Variants in C10orf143 observed in about 807,000 individuals in gnomAD.
The protein encoded by C10orf143 is uncharacterized protein C10orf143.
intron 1 of C10orf143, among the ~76,000 whole-genome samples, chr10:130,082,812 G>T (rs1861230697): frequency 6.6e-6 from 1 of 152,128 alleles, no homozygotes; most frequent in Admixed American, 6.5e-5. Context: ...TAATTATAAA[G>T]AACTATGCAA....
chr10:130,108,121 A>G lies in C10orf143; in HGVS notation c.69+2583T>C, dbSNP rs1403731570. 3 of 1,553,956 alleles carry G rather than the reference A, an allele frequency of 1.9e-6. No homozygotes were observed. In the Admixed American group the frequency reaches 5.0e-5, roughly 26 times the overall value. On this transcript the variant is annotated intron_variant, in intron 1 of 3. Coordinates refer to ENST00000637128, the MANE Select transcript of C10orf143 (RefSeq NM_001355042.2). Reference sequence around the variant, plus strand: ...CAACTGGCCCTCGCTTTGTTCCTCCACCTCTTGCCCTAATCAGAGGTCCAC... The same window carrying G: ...CAACTGGCCCTCGCTTTGTTCCTCCGCCTCTTGCCCTAATCAGAGGTCCAC...
intron 1 of C10orf143, among the ~76,000 whole-genome samples, chr10:130,088,597 A>G (rs1861330779): frequency 6.6e-6 from 1 of 152,192 alleles, no homozygotes; most frequent in African/African-American, 2.4e-5. Context: ...CTTAGGTACC[A>G]GGAACAGTCA....
chr10:130,090,933 TA>T (rs931413467), intron 1 of C10orf143, among the ~76,000 whole-genome samples: 9 of 152,088 alleles, frequency 5.9e-5, no homozygotes, highest in Non-Finnish European at 1.2e-4. Flanking sequence ...GGCTTATAGA[TA>T]AAATTCCCAT....
intron 3 of C10orf143, among the ~76,000 whole-genome samples, chr10:130,079,137 G>C (rs187727701): frequency 6.6e-6 from 1 of 152,254 alleles, no homozygotes; most frequent in East Asian, 1.9e-4. Context: ...CACTGTGTTT[G>C]CTTCTGAAAT....
rs374901225 is a variant in C10orf143, at chr10:130,110,781, A to C, written c.-9T>G. On this transcript the variant is annotated 5_prime_UTR_variant, in exon 1 of 4. Coordinates refer to ENST00000637128, the MANE Select transcript of C10orf143 (RefSeq NM_001355042.2). ...AGCGCTAAGCTGTCCATGCAGCCCCAGGGTCAAACCCTCCCGGCATCTCAG... is the reference window on the plus strand; with the variant it reads ...AGCGCTAAGCTGTCCATGCAGCCCCCGGGTCAAACCCTCCCGGCATCTCAG... 47 of 398,804 alleles carry C rather than the reference A, an allele frequency of 1.2e-4. No homozygotes were observed. Among genetic ancestry groups the C allele is most frequent in the Middle Eastern group, 6.2e-4 (1 of 1,612 alleles). The allele number at this position is 398,804 out of a possible 1,614,324, so 24.7% of individuals were successfully genotyped here.
chr10:130,087,622 A>T (rs2134781665), intron 1 of C10orf143, among the ~76,000 whole-genome samples: 1 of 152,314 alleles, frequency 6.6e-6, no homozygotes, highest in Non-Finnish European at 1.5e-5. Context: ...CCTTTTCCGG[A>T]GGTGATGGTC....
At chr10:130,038,975 C>T (rs991191234) in intron 3 of C10orf143, among the ~76,000 whole-genome samples, 4 of 152,166 alleles carry the variant, frequency 2.6e-5, no homozygotes, top group South Asian at 2.1e-4. Context: ...GTGGAGCCAC[C>T]GCTCTTCCCA....
At chr10:130,055,952 TAAAAAAAAAAA>T (rs369284797) in intron 3 of C10orf143, among the ~76,000 whole-genome samples, 3 of 65,860 alleles carry the variant, frequency 4.6e-5, no homozygotes, top group Non-Finnish European at 5.4e-5. Flanking sequence ...TCTCCAAAAG[TAAAAAAAAAAA>T]AAAAAAAAAA....
At chr10:130,090,721 G>T (rs1590028140) in intron 1 of C10orf143, among the ~76,000 whole-genome samples, 1 of 152,142 alleles carries the variant, frequency 6.6e-6, no homozygotes, top group Non-Finnish European at 1.5e-5. Flanking sequence ...GCTTGAGCTT[G>T]GTGGGGGGCG....
chr10:130,058,423 C>T (rs1274461578), intron 3 of C10orf143, among the ~76,000 whole-genome samples: 1 of 152,080 alleles, frequency 6.6e-6, no homozygotes, highest in Non-Finnish European at 1.5e-5. Flanking sequence ...GTATTCAGCA[C>T]GGTGTCTGAC....
At chr10:130,075,276 G>A (rs987929216) in intron 3 of C10orf143, among the ~76,000 whole-genome samples, 2 of 152,108 alleles carry the variant, frequency 1.3e-5, no homozygotes, top group Admixed American at 6.6e-5. Flanking sequence ...GAGCATTAGC[G>A]ATGGGCAACA....
At chr10:130,053,058 T>TTTG (rs78626533) in intron 3 of C10orf143, among the ~76,000 whole-genome samples, 1 of 150,960 alleles carries the variant, frequency 6.6e-6, no homozygotes, top group African/African-American at 2.4e-5. Context: ...TCTAAGTGTT[T>TTTG]TTTGTTTGTT....
chr10:130,043,247 C>CA lies in C10orf143; in HGVS notation c.298-7278dup, dbSNP rs1456219562. On this transcript the variant is annotated intron_variant and NMD_transcript_variant, in intron 3 of 5. Coordinates refer to the C10orf143 transcript ENST00000643056. ...TGTGTTTTCCCAAGGAGTTATACGG[C>CA]AAAAAATTGATCATCATTACTTATA... 1.1e-4 allele frequency among the ~76,000 whole-genome samples: 16 copies of CA among 152,188 alleles called. No individual in the cohort carries two copies. The East Asian group carries it at 3.1e-3, about 29-fold the overall frequency.
chr10:130,049,649 G>A (rs532240499), intron 3 of C10orf143, among the ~76,000 whole-genome samples: 29 of 152,326 alleles, frequency 1.9e-4, no homozygotes, highest in Admixed American at 3.9e-4. Context: ...TTGGGTTCAC[G>A]CTGTGGCCAA....
intron 3 of C10orf143, among the ~76,000 whole-genome samples, chr10:130,041,889 CACACACACACAT>C (rs1319192547): frequency 2.0e-5 from 3 of 152,164 alleles, no homozygotes; most frequent in Non-Finnish European, 4.4e-5. Context: ...GTGTAACACA[CACACACACACAT>C]GCACACACTC....
chr10:130,106,711 G>C, intron 1 of C10orf143: 1 of 1,250,802 alleles, frequency 8.0e-7, no homozygotes. Flanking sequence ...AGGAAAGCCA[G>C]AAACAGCTTT....
chr10:130,060,546 G>A (rs11017069), downstream of C10orf143, among the ~76,000 whole-genome samples: 332 of 152,280 alleles, frequency 2.2e-3, 8 homozygotes, highest in East Asian at 0.054. Context: ...ATGTGCAGCC[G>A]GGCGCAGTGG....
chr10:130,091,832 C>G (rs1296668681), intron 1 of C10orf143, among the ~76,000 whole-genome samples: 1 of 152,018 alleles, frequency 6.6e-6, no homozygotes, highest in African/African-American at 2.4e-5. Context: ...TGAAGATCAA[C>G]TTAATGAAAT....
chr10:130,088,820 T>C lies in C10orf143; in HGVS notation c.70-8919A>G, dbSNP rs567321132. Among the ~76,000 whole-genome samples the C allele has an allele frequency of 7.2e-5, 11 of 152,306 alleles. 1 individual carries two copies. The South Asian group carries it at 1.7e-3, about 23-fold the overall frequency. On this transcript the variant is annotated intron_variant, in intron 1 of 3. Coordinates refer to ENST00000637128, the MANE Select transcript of C10orf143 (RefSeq NM_001355042.2). ...AGATTCCTTTCCTATGACATTTTCA[T>C]TTGGAGAATGACCTTGTACTCTTAG...
Sources: gnomAD v4.1 joint callset for allele counts (sites outside exome capture counted in the v4.1 genomes callset) on GRCh38, gnomAD v4.1.1 for gene constraint, MANE v1.5 for transcripts, NCBI Gene and HGNC (gene_info 2026-07-23, HGNC 2026-07-21) for gene names.